Variants in PTBP2 observed in about 807,000 individuals in gnomAD.
The protein encoded by PTBP2 is polypyrimidine tract-binding protein 2.
In PTBP2, 13 loss-of-function variants were observed where a neutral mutation model predicts 61.4. The observed-to-expected ratio is 0.21, with a 90% CI of 0.14 to 0.34. PTBP2 has a LOEUF of 0.34. PTBP2 is among the 10% of genes least tolerant of loss of function. PTBP2 has a pLI of 1.00. For synonymous variants in PTBP2, 215 were observed against 218.5 expected, an observed-to-expected ratio of 0.98 and a Z score of 0.14; for missense variants, 405 against 642.6, an observed-to-expected ratio of 0.63 and a Z score of 4.00.
At chr1:96,774,691 AACT>A (rs1384328686) in intron 5 of PTBP2, among the ~76,000 whole-genome samples, 2 of 152,032 alleles carry the variant, frequency 1.3e-5, no homozygotes, top group Non-Finnish European at 2.9e-5. Flanking sequence ...TCTCTTTATA[AACT>A]ACTTTCTTTT....
intron 2 of PTBP2, among the ~76,000 whole-genome samples, chr1:96,730,995 A>AGT (rs138265815): frequency 3.3e-4 from 51 of 152,252 alleles, no homozygotes; most frequent in Non-Finnish European, 5.1e-4. Flanking sequence ...CTTGACTGGA[A>AGT]GTAGAAGTCC....
At chr1:96,729,569 G>C (rs1490185070) in intron 2 of PTBP2, among the ~76,000 whole-genome samples, 1 of 151,966 alleles carries the variant, frequency 6.6e-6, no homozygotes, top group African/African-American at 2.4e-5. Context: ...TTGTTTTGTC[G>C]GGAGGTTTTA....
At chr1:96,788,665 T>C (rs1349249293) in intron 8 of PTBP2, among the ~76,000 whole-genome samples, 1 of 152,024 alleles carries the variant, frequency 6.6e-6, no homozygotes, top group Non-Finnish European at 1.5e-5. Context: ...AAATATAAGG[T>C]GATACTCTTT....
chr1:96,800,764 G>C (rs1475187893), intron 8 of PTBP2, among the ~76,000 whole-genome samples: 2 of 151,710 alleles, frequency 1.3e-5, no homozygotes, highest in Non-Finnish European at 2.9e-5. Context: ...CTTTAGCCTA[G>C]GCTTTTAATT....
chr1:96,777,928 T>C lies in PTBP2; in HGVS notation c.690T>C (p.Asn230=), dbSNP rs1357335826. 2 of 1,565,472 alleles carry C rather than the reference T, an allele frequency of 1.3e-6. No individual in the cohort carries two copies. The highest frequency in any genetic ancestry group is 1.7e-6 in the Non-Finnish European group (2 of 1,154,356). Residue 230 remains asparagine (N), a synonymous_variant, in exon 7 of 14, where the codon AAT becomes AAC. Coordinates refer to ENST00000674951, the MANE Select transcript of PTBP2 (RefSeq NM_021190.4). ...TGCTCCAGTATGGTGATCCAGTAAA[T>C]GCTCAACAAGCAAAACTAGTAAGTC... ...QALLQYGDPV[N]AQQAKLALDG...
At chr1:96,797,765 T>C (rs1660535929) in intron 8 of PTBP2, among the ~76,000 whole-genome samples, 1 of 152,254 alleles carries the variant, frequency 6.6e-6, no homozygotes, top group Admixed American at 6.5e-5. Flanking sequence ...ATAAATGTTA[T>C]GTAAATGGTT....
Position 96,721,842 on chromosome 1 carries a change from G to T in PTBP2, c.-23G>T. 1 of 1,563,492 alleles carries T rather than the reference G, an allele frequency of 6.4e-7. No individual in the cohort carries two copies. The highest frequency in any genetic ancestry group is 8.7e-7 in the Non-Finnish European group (1 of 1,153,906). On this transcript the variant is annotated 5_prime_UTR_variant, in exon 1 of 14. Transcript: ENST00000674951. ...TGGCTGCGTGGCTCGGTTCTTGTGA[G>T]CGAAGCTTTGTCCGGTTCGGCAATG...
At chr1:96,753,525 C>T (rs761965460) in intron 3 of PTBP2, among the ~76,000 whole-genome samples, 5 of 151,852 alleles carry the variant, frequency 3.3e-5, no homozygotes, top group Admixed American at 1.3e-4. Flanking sequence ...CTGCAACTAT[C>T]TTCCATAATA....
At chr1:96,802,372 A>G (rs1425019989) in intron 8 of PTBP2, among the ~76,000 whole-genome samples, 3 of 152,186 alleles carry the variant, frequency 2.0e-5, no homozygotes, top group Non-Finnish European at 4.4e-5. Context: ...AGCAGGAGAT[A>G]CAGAGTATTT....
chr1:96,747,568 C>G (rs761408069), intron 2 of PTBP2, among the ~76,000 whole-genome samples: 54 of 152,198 alleles, frequency 3.5e-4, no homozygotes, highest in Non-Finnish European at 5.1e-4. Context: ...ATTGAAATCT[C>G]TGTAATGACT....
intron 2 of PTBP2, among the ~76,000 whole-genome samples, chr1:96,740,457 A>G (rs910884774): frequency 6.6e-6 from 1 of 152,162 alleles, no homozygotes; most frequent in African/African-American, 2.4e-5. Flanking sequence ...TCATGATCTC[A>G]TGAAATCCTC....
At chr1:96,766,505 C>CTG (rs1656718510) in intron 3 of PTBP2, among the ~76,000 whole-genome samples, 1 of 152,140 alleles carries the variant, frequency 6.6e-6, no homozygotes, top group African/African-American at 2.4e-5. Flanking sequence ...AATTGTAGAA[C>CTG]TGTAACACAG....
At position 96,742,948 on chromosome 1, in the gene PTBP2, C is replaced by T. The variant is rs553871154; in HGVS notation, c.40-8477C>T. On this transcript the variant is annotated intron_variant, in intron 2 of 13. Coordinates refer to ENST00000674951, the MANE Select transcript of PTBP2 (RefSeq NM_021190.4). ...CTTTTCATTATTTTATTTTTCTTGC[C>T]TTTTCTTTTTTGTTGTTGTTAGATA... 2.9e-3 allele frequency among the ~76,000 whole-genome samples: 441 copies of T among 152,000 alleles called. 2 individuals carry two copies. Among genetic ancestry groups the T allele is most frequent in the African/African-American group, 0.01 (431 of 41,468 alleles).
At chr1:96,725,647 T>G (rs1298434274) in intron 2 of PTBP2, among the ~76,000 whole-genome samples, 1 of 152,176 alleles carries the variant, frequency 6.6e-6, no homozygotes, top group Non-Finnish European at 1.5e-5. Context: ...GTCTGAATAA[T>G]TAAAGTTAAT....
intron 2 of PTBP2, among the ~76,000 whole-genome samples, chr1:96,725,171 T>C (rs1456012060): frequency 6.6e-6 from 1 of 152,204 alleles, no homozygotes; most frequent in African/African-American, 2.4e-5. Flanking sequence ...GAATAAATGA[T>C]ACAAGTGTGA....
intron 8 of PTBP2, among the ~76,000 whole-genome samples, chr1:96,794,878 C>T (rs1236626940): frequency 5.9e-5 from 9 of 151,792 alleles, no homozygotes; most frequent in Admixed American, 1.3e-4. Flanking sequence ...TTATGTGTGA[C>T]GAATAGGATA....
intron 8 of PTBP2, among the ~76,000 whole-genome samples, chr1:96,800,395 C>CTTTTTTTTT (rs376568803): frequency 8.0e-6 from 1 of 125,208 alleles, no homozygotes. Flanking sequence ...CATTCTCTGG[C>CTTTTTTTTT]TTTTTTTTTT....
chr1:96,818,117 A>G (rs1662550339), downstream of PTBP2: 1 of 152,116 alleles, frequency 6.6e-6, no homozygotes, highest in Admixed American at 6.6e-5. Context: ...GTAGCTTCAC[A>G]GAGCCACCCG....
chr1:96,789,973 A>C (rs1013222858), intron 8 of PTBP2, among the ~76,000 whole-genome samples: 1 of 152,140 alleles, frequency 6.6e-6, no homozygotes, highest in African/African-American at 2.4e-5. Context: ...TTCCCCAATT[A>C]TTTTGAAAAT....
Sources: allele counts gnomAD v4.1 joint callset (sites outside exome capture counted in the v4.1 genomes callset), GRCh38; gene constraint gnomAD v4.1.1; transcripts MANE v1.5; gene names NCBI Gene and HGNC (gene_info 2026-07-23, HGNC 2026-07-21).